Variants in CSMD1 observed in about 807,000 individuals in gnomAD.
CSMD1 encodes CUB and sushi domain-containing protein 1.
In CSMD1, 213 loss-of-function variants were observed where a neutral mutation model predicts 417.5. The ratio of observed to expected loss-of-function variants is 0.51; its 90% CI spans 0.46 to 0.57. The LOEUF (loss-of-function observed/expected upper bound fraction) is 0.57. CSMD1 is among the 20% of genes least tolerant of loss of function. The pLI, the probability that CSMD1 is intolerant of heterozygous loss-of-function variation, is 0.00. For missense variants in CSMD1, 6,923 were observed against 4,529.7 expected, an observed-to-expected ratio of 1.53 and a Z score of -15.17; for synonymous variants, 2,862 against 1,736.8, an observed-to-expected ratio of 1.65 and a Z score of -16.11.
chr8:4,898,314 T>C (rs949407287), intron 1 of CSMD1, among the ~76,000 whole-genome samples: 4 of 152,144 alleles, frequency 2.6e-5, no homozygotes, highest in African/African-American at 9.7e-5. Flanking sequence ...ACACCTGTCA[T>C]CTTTGACAGG....
At chr8:4,325,555 T>C (rs1417834498) in intron 3 of CSMD1, among the ~76,000 whole-genome samples, 1 of 152,212 alleles carries the variant, frequency 6.6e-6, no homozygotes, top group Non-Finnish European at 1.5e-5. Context: ...AAAGCATGCC[T>C]ACCTTGTTAG....
intron 20 of CSMD1, among the ~76,000 whole-genome samples, chr8:3,363,493 G>T (rs1186226491): frequency 6.6e-6 from 1 of 151,382 alleles, no homozygotes; most frequent in Non-Finnish European, 1.5e-5. Flanking sequence ...AGTTTTGCCT[G>T]GTGAAAAATG....
intron 18 of CSMD1, among the ~76,000 whole-genome samples, chr8:3,384,070 A>C (rs956270634): frequency 8.5e-5 from 13 of 152,080 alleles, no homozygotes; most frequent in Admixed American, 7.9e-4. Flanking sequence ...AGGCTGTGAA[A>C]GCGAAGTGTG....
intron 52 of CSMD1, among the ~76,000 whole-genome samples, chr8:3,010,450 T>G (rs1267915412): frequency 6.6e-6 from 1 of 152,136 alleles, no homozygotes; most frequent in Non-Finnish European, 1.5e-5. Context: ...CGTGGCCCTA[T>G]CAGTCCAGGC....
intron 33 of CSMD1, among the ~76,000 whole-genome samples, chr8:3,196,721 T>C (rs1256026815): frequency 1.3e-5 from 2 of 152,190 alleles, no homozygotes; most frequent in African/African-American, 4.8e-5. Context: ...CAGTGCTCCA[T>C]AATCACTGAA....
chr8:4,635,971 G>A (rs2617002), intron 2 of CSMD1, among the ~76,000 whole-genome samples: 110,138 of 151,734 alleles, frequency 0.73, 40,330 homozygotes, highest in Admixed American at 0.81. Context: ...GTGTTTGAAA[G>A]TGGGTGAAAA....
intron 1 of CSMD1, among the ~76,000 whole-genome samples, chr8:4,868,466 C>T (rs538497206): frequency 6.6e-6 from 1 of 151,946 alleles, no homozygotes; most frequent in Non-Finnish European, 1.5e-5. Context: ...AAACTCCTGA[C>T]CTCAGGTGAT....
intron 51 of CSMD1, among the ~76,000 whole-genome samples, chr8:3,028,527 C>T (rs1466570675): frequency 1.3e-5 from 2 of 152,204 alleles, no homozygotes; most frequent in Non-Finnish European, 2.9e-5. Flanking sequence ...AAGCTTTGAG[C>T]TCCCTGAGGC....
chr8:4,385,058 C>G (rs1273228388), intron 3 of CSMD1, among the ~76,000 whole-genome samples: 4 of 152,150 alleles, frequency 2.6e-5, no homozygotes, highest in Non-Finnish European at 5.9e-5. Context: ...TCCCGAAGAG[C>G]TGTGATTACA....
At chr8:3,105,029 T>A (rs1284380434) in intron 46 of CSMD1, among the ~76,000 whole-genome samples, 1 of 152,224 alleles carries the variant, frequency 6.6e-6, no homozygotes, top group Non-Finnish European at 1.5e-5. Flanking sequence ...TTGAAGAGGA[T>A]CCATGCACAG....
chr8:3,206,548 G>A (rs1797290598), intron 30 of CSMD1, among the ~76,000 whole-genome samples: 1 of 115,292 alleles, frequency 8.7e-6, no homozygotes, highest in Non-Finnish European at 1.7e-5. Flanking sequence ...TGTGTGGGAG[G>A]TTATGTCTGT....
chr8:4,685,092 CT>C (rs1806288248), intron 1 of CSMD1, among the ~76,000 whole-genome samples: 1 of 152,196 alleles, frequency 6.6e-6, no homozygotes, highest in Non-Finnish European at 1.5e-5. Flanking sequence ...AACATATTTA[CT>C]GCCTTCTATT....
At chr8:3,943,614 A>T (rs1476334051) in intron 5 of CSMD1, among the ~76,000 whole-genome samples, 5 of 152,160 alleles carry the variant, frequency 3.3e-5, no homozygotes, top group Non-Finnish European at 5.9e-5. Context: ...GGTAAACCCC[A>T]TGTAACCAAG....
intron 2 of CSMD1, among the ~76,000 whole-genome samples, chr8:4,605,936 GA>G (rs1800843721): frequency 1.3e-5 from 2 of 152,130 alleles, no homozygotes; most frequent in African/African-American, 4.8e-5. Context: ...ACATTTTTAT[GA>G]CGAGGATGTG....
intron 4 of CSMD1, among the ~76,000 whole-genome samples, chr8:4,025,239 A>G (rs113697924): frequency 0.016 from 2,511 of 152,298 alleles, 76 homozygotes; most frequent in African/African-American, 0.058. Context: ...GATTTTCTAA[A>G]TACAAATATT....
chr8:3,452,352 T>C (rs1046094020), intron 12 of CSMD1, among the ~76,000 whole-genome samples: 1 of 152,182 alleles, frequency 6.6e-6, no homozygotes, highest in East Asian at 1.9e-4. Context: ...TCCAACTCTA[T>C]GTTGAATAGC....
intron 3 of CSMD1, among the ~76,000 whole-genome samples, chr8:4,306,076 T>A (rs1361561365): frequency 2.6e-5 from 4 of 152,206 alleles, no homozygotes; most frequent in Non-Finnish European, 5.9e-5. Context: ...TTTATGATTG[T>A]GAGAAATGTT....
chr8:3,018,510 C>T lies in CSMD1; in HGVS notation c.7996G>A (p.Gly2666Arg). ...GSHVRECLAN[G>R]LWSGSETRCL... ...CGAGTTTCGCTGCCGCTCCAGAGCC[C>T]ATTTGCCAAGCACTCTCTGACATGA... Residue 2666 changes from glycine (G) to arginine (R), a missense_variant, in exon 52 of 70, where the codon GGG becomes AGG. Transcript: ENST00000635120. The T allele has an allele frequency of 6.2e-7, 1 of 1,613,618 alleles. No individual in the cohort carries two copies. Among genetic ancestry groups the T allele is most frequent in the Non-Finnish European group, 8.5e-7 (1 of 1,179,732 alleles).
At chr8:3,133,692 G>A (rs1017672579) in intron 41 of CSMD1, among the ~76,000 whole-genome samples, 11 of 152,128 alleles carry the variant, frequency 7.2e-5, no homozygotes, top group Non-Finnish European at 1.0e-4. Context: ...AGAGACAGGA[G>A]GCTGCTGGCA....
Sources: gnomAD v4.1 joint callset for allele counts (sites outside exome capture counted in the v4.1 genomes callset) on GRCh38, gnomAD v4.1.1 for gene constraint, MANE v1.5 for transcripts, NCBI Gene and HGNC (gene_info 2026-07-23, HGNC 2026-07-21) for gene names.